CCDC178: variants seen among roughly 807,000 people sequenced by gnomAD.
CCDC178 encodes the protein coiled-coil domain containing 178.
CCDC178 carries 126 observed loss-of-function variants against 117.4 expected under a neutral mutation model. That is an observed-to-expected ratio of 1.07 (90% CI 0.93 to 1.24). The LOEUF is 1.24. CCDC178 is among the 50% of genes most tolerant of loss of function. CCDC178 has a pLI of 0.00. For synonymous variants in CCDC178, 283 were observed against 313.4 expected (o/e 0.90, Z 1.02); for missense variants, 1,030 against 986.9 (o/e 1.04, Z -0.59).
At chr18:33,249,698 G>T (rs903378724) in intron 14 of CCDC178, among the ~76,000 whole-genome samples, 5 of 152,058 alleles carry the variant, frequency 3.3e-5, no homozygotes, top group Non-Finnish European at 5.9e-5. Context: ...AAGTGAGGGA[G>T]TGTGATGCCT....
In CCDC178 at chr18:33,293,161, T is replaced by C. The variant is rs1258100582; in HGVS notation, c.1174A>G (p.Met392Val). Residue 392 changes from methionine to valine, a missense_variant and splice_region_variant, in exon 12 of 23, where the codon ATG (methionine) becomes GTG (valine). By Grantham distance (21) the Met-to-Val change is conservative. Coordinates refer to ENST00000383096, the MANE Select transcript of CCDC178 (RefSeq NM_001105528.4). ...SKNELHSLSKMLEDLRRVYDQ... is the reference protein window; with the variant it reads ...SKNELHSLSKVLEDLRRVYDQ... Reference sequence around the variant, plus strand: ...TATTTCTAATATGAAAAACTCACCATTTTTGATAGAGAATGTAATTCATTT... The same window carrying C: ...TATTTCTAATATGAAAAACTCACCACTTTTGATAGAGAATGTAATTCATTT... 1 of 1,559,942 alleles carries C rather than the reference T, an allele frequency of 6.4e-7. No individual in the cohort carries two copies. Among genetic ancestry groups the C allele is most frequent in the East Asian group, 2.3e-5 (1 of 43,946 alleles).
At chr18:32,941,242 T>C (rs920061997) in intron 22 of CCDC178, among the ~76,000 whole-genome samples, 3 of 152,134 alleles carry the variant, frequency 2.0e-5, no homozygotes, top group Non-Finnish European at 4.4e-5. Flanking sequence ...GTTAAAACAC[T>C]GTGATGATAA....
intron 6 of CCDC178, among the ~76,000 whole-genome samples, chr18:33,365,058 C>A (rs1205165746): frequency 6.6e-6 from 1 of 151,892 alleles, no homozygotes; most frequent in Non-Finnish European, 1.5e-5. Flanking sequence ...AATACTCCAA[C>A]TGATGAATGT....
chr18:33,137,599 T>C (rs762470146), intron 20 of CCDC178, among the ~76,000 whole-genome samples: 5 of 152,228 alleles, frequency 3.3e-5, no homozygotes, highest in Non-Finnish European at 5.9e-5. Context: ...AAATCCATTA[T>C]AAGCCCATCT....
intron 14 of CCDC178, among the ~76,000 whole-genome samples, chr18:33,259,279 TA>T (rs2059714485): frequency 6.6e-6 from 1 of 152,208 alleles, no homozygotes; most frequent in African/African-American, 2.4e-5. Context: ...CACTAATAGC[TA>T]AAATGAGCTG....
intron 20 of CCDC178, among the ~76,000 whole-genome samples, chr18:33,166,561 T>C (rs1184622107): frequency 6.6e-6 from 1 of 152,108 alleles, no homozygotes; most frequent in Non-Finnish European, 1.5e-5. Flanking sequence ...TGTGGTGCTA[T>C]TGGTGAATGA....
chr18:33,217,387 T>A (rs2059179440), intron 18 of CCDC178, among the ~76,000 whole-genome samples: 1 of 152,070 alleles, frequency 6.6e-6, no homozygotes, highest in African/African-American at 2.4e-5. Flanking sequence ...TACATACAAT[T>A]GATATAGATC....
At chr18:33,200,224 C>T (rs2058976582) in intron 20 of CCDC178, among the ~76,000 whole-genome samples, 2 of 152,176 alleles carry the variant, frequency 1.3e-5, no homozygotes, top group Admixed American at 6.5e-5. Context: ...CACTTCATTG[C>T]ACTGGGGTAA....
chr18:33,215,267 A>C (rs1293437956), intron 19 of CCDC178, among the ~76,000 whole-genome samples: 1 of 152,084 alleles, frequency 6.6e-6, no homozygotes. Context: ...AAAGTAATGA[A>C]GAATATTATT....
intron 12 of CCDC178, among the ~76,000 whole-genome samples, chr18:33,292,726 A>C (rs1159604385): frequency 6.6e-6 from 1 of 152,096 alleles, no homozygotes; most frequent in African/African-American, 2.4e-5. Context: ...CAGAAACCGA[A>C]GAAGTTTTTG....
At chr18:33,341,353 C>T (rs1388469605) in intron 9 of CCDC178, among the ~76,000 whole-genome samples, 1 of 152,146 alleles carries the variant, frequency 6.6e-6, no homozygotes, top group Non-Finnish European at 1.5e-5. Context: ...AAGGGACTTG[C>T]CTTGTCTCAG....
intron 2 of CCDC178, among the ~76,000 whole-genome samples, chr18:33,429,208 A>G (rs1012612052): frequency 6.6e-6 from 1 of 152,180 alleles, no homozygotes; most frequent in African/African-American, 2.4e-5. Context: ...TAATATATAA[A>G]TAGTTAGAAA....
chr18:33,026,156 G>GA (rs2056225239), intron 21 of CCDC178, among the ~76,000 whole-genome samples: 1 of 152,054 alleles, frequency 6.6e-6, no homozygotes, highest in African/African-American at 2.4e-5. Flanking sequence ...TTCTTGAAAT[G>GA]AAAAAATTAT....
At chr18:33,252,870 G>T (rs2059633492) in intron 14 of CCDC178, among the ~76,000 whole-genome samples, 1 of 151,734 alleles carries the variant, frequency 6.6e-6, no homozygotes, top group South Asian at 2.1e-4. Context: ...ACTAGAAATA[G>T]ATATTTAGAA....
chr18:33,344,931 C>CA lies in CCDC178; in HGVS notation c.658+1279dup, dbSNP rs537155668. 3.6e-4 allele frequency among the ~76,000 whole-genome samples: 54 copies of CA among 150,854 alleles called. No homozygotes were observed. In the South Asian group the frequency reaches 7.3e-3, roughly 20 times the overall value. ...CAAATTCTATTCAAAAAGAAAATTT[C>CA]AAAAATGATAAAATTTACAAATATA... is the stretch of plus-strand genomic sequence containing the variant. On this transcript the variant is annotated intron_variant, in intron 9 of 22. Coordinates refer to ENST00000383096, the MANE Select transcript of CCDC178 (RefSeq NM_001105528.4).
intron 15 of CCDC178, among the ~76,000 whole-genome samples, chr18:33,231,499 C>T (rs531362323): frequency 7.9e-5 from 12 of 152,238 alleles, no homozygotes; most frequent in African/African-American, 2.9e-4. Flanking sequence ...TAATTATTGC[C>T]TCTTAGCTCC....
intron 20 of CCDC178, among the ~76,000 whole-genome samples, chr18:33,188,826 G>A (rs2058825183): frequency 6.6e-6 from 1 of 152,110 alleles, no homozygotes; most frequent in Non-Finnish European, 1.5e-5. Context: ...GTTATTTTAA[G>A]CATTTTAGTT....
chr18:33,063,475 G>A (rs1371623759), intron 21 of CCDC178, among the ~76,000 whole-genome samples: 1 of 152,110 alleles, frequency 6.6e-6, no homozygotes, highest in Non-Finnish European at 1.5e-5. Context: ...ATAAGTACAG[G>A]TCTACTCTGT....
intron 11 of CCDC178, among the ~76,000 whole-genome samples, chr18:33,295,069 A>G (rs1208507779): frequency 6.6e-6 from 1 of 152,202 alleles, no homozygotes; most frequent in Non-Finnish European, 1.5e-5. Context: ...AGGAATTACT[A>G]TGCAAACTCT....
Sources: allele counts gnomAD v4.1 joint callset (sites outside exome capture counted in the v4.1 genomes callset), GRCh38; gene constraint gnomAD v4.1.1; transcripts MANE v1.5; gene names NCBI Gene and HGNC (gene_info 2026-07-23, HGNC 2026-07-21).